The following PLPP1 variants were observed in gnomAD, a reference collection of about 807,000 sequenced individuals.
The protein encoded by PLPP1 is lipid phosphate phosphohydrolase 1a.
PLPP1 carries 24 observed loss-of-function variants against 31.2 expected under a neutral mutation model. The observed-to-expected ratio is 0.77, with a 90% CI of 0.56 to 1.08. The LOEUF is 1.08. PLPP1 is among the 50% of genes least tolerant of loss of function. The pLI, the probability that PLPP1 is intolerant of heterozygous loss-of-function variation, is 0.00. For synonymous variants in PLPP1, 146 were observed against 126.3 expected (o/e 1.16, Z -1.05); for missense variants, 319 against 342.7 (o/e 0.93, Z 0.55).
Position 55,433,324 on chromosome 5 carries a change from G to A in PLPP1, c.550-7285C>T, listed in dbSNP as rs1349724865. On this transcript the variant is annotated intron_variant, in intron 4 of 5. Transcript: ENST00000307259. ...CTGGGTGACAGGGAGACCCAGTCTC[G>A]AAAAGAAAAAAAGAAAAGAAATAAA... 4.1e-5 allele frequency among the ~76,000 whole-genome samples: 6 copies of A among 146,400 alleles called. No individual in the cohort carries two copies. The East Asian group carries it at 1.0e-3, about 25-fold the overall frequency.
intron 1 of PLPP1, among the ~76,000 whole-genome samples, chr5:55,512,722 C>CTACACACACACACA (rs1214220021): frequency 0.011 from 283 of 25,316 alleles, no homozygotes; most frequent in South Asian, 0.059. Context: ...ACATTATAAA[C>CTACACACACACACA]TACACACACA....
At chr5:55,527,076 G>A (rs1446732572) in intron 1 of PLPP1, among the ~76,000 whole-genome samples, 1 of 151,978 alleles carries the variant, frequency 6.6e-6, no homozygotes, top group Non-Finnish European at 1.5e-5. Context: ...AATGTGTACT[G>A]AATATGAGTG....
intron 1 of PLPP1, among the ~76,000 whole-genome samples, chr5:55,519,677 G>C (rs2111932258): frequency 6.6e-6 from 1 of 151,520 alleles, no homozygotes. Flanking sequence ...TTGAACCAGG[G>C]AGCTGGCGGT....
intron 1 of PLPP1, among the ~76,000 whole-genome samples, chr5:55,489,067 G>A (rs1414132389): frequency 2.6e-5 from 4 of 152,034 alleles, no homozygotes; most frequent in East Asian, 3.9e-4. Context: ...GCATGGCAGC[G>A]CACGCCTATA....
chr5:55,515,466 C>T (rs558005893), intron 1 of PLPP1, among the ~76,000 whole-genome samples: 104 of 152,300 alleles, frequency 6.8e-4, no homozygotes, highest in African/African-American at 2.3e-3. Flanking sequence ...GTGTCTTCTC[C>T]CTTAAGCTAC....
At chr5:55,462,392 T>C (rs765526255) in intron 3 of PLPP1, among the ~76,000 whole-genome samples, 6 of 152,206 alleles carry the variant, frequency 3.9e-5, no homozygotes, top group Non-Finnish European at 7.3e-5. Context: ...AATGTGAAAA[T>C]GTTTTTTTTC....
chr5:55,500,802 G>A lies in PLPP1; in HGVS notation c.59-25352C>T, dbSNP rs527294337. ...TAAGGGCCTGAAACAAAGAAATAACGGGGGGAACAGGAAAAAGAGGTAGAT... is the reference window on the plus strand; with the variant it reads ...TAAGGGCCTGAAACAAAGAAATAACAGGGGGAACAGGAAAAAGAGGTAGAT... On this transcript the variant is annotated intron_variant, in intron 1 of 5. Transcript: ENST00000307259. Among the ~76,000 whole-genome samples, 17 of 152,234 alleles carry A rather than the reference G, an allele frequency of 1.1e-4. No homozygotes were observed. The South Asian group carries it at 1.9e-3, about 17-fold the overall frequency.
At chr5:55,508,016 C>T (rs1203850860) in intron 1 of PLPP1, among the ~76,000 whole-genome samples, 1 of 152,142 alleles carries the variant, frequency 6.6e-6, no homozygotes, top group Non-Finnish European at 1.5e-5. Context: ...TGCCACCATG[C>T]CTGGCTAATT....
At chr5:55,475,621 A>G (rs1752521689) in intron 1 of PLPP1, among the ~76,000 whole-genome samples, 171 bp from the exon 2 acceptor site, 1 of 152,254 alleles carries the variant, frequency 6.6e-6, no homozygotes. Flanking sequence ...TAGAAAGATT[A>G]CAGTTTTAAG....
chr5:55,487,338 A>C (rs1019581152), intron 1 of PLPP1, among the ~76,000 whole-genome samples: 4 of 152,036 alleles, frequency 2.6e-5, no homozygotes, highest in African/African-American at 9.7e-5. Flanking sequence ...TAAATGTATA[A>C]TGAATTACCA....
At chr5:55,437,656 A>G (rs1751524458) in intron 4 of PLPP1, among the ~76,000 whole-genome samples, 1 of 152,202 alleles carries the variant, frequency 6.6e-6, no homozygotes, top group South Asian at 2.1e-4. Flanking sequence ...TGATTGCTCC[A>G]CCTACATTTG....
intron 1 of PLPP1, among the ~76,000 whole-genome samples, chr5:55,478,005 G>GA (rs1394687154): frequency 6.6e-6 from 1 of 151,190 alleles, no homozygotes; most frequent in Non-Finnish European, 1.5e-5. Flanking sequence ...AAGAAAGAAA[G>GA]AAAGAAAATT....
chr5:55,430,511 C>G (rs1295179235), intron 4 of PLPP1, among the ~76,000 whole-genome samples: 1 of 152,214 alleles, frequency 6.6e-6, no homozygotes, highest in African/African-American at 2.4e-5. Flanking sequence ...CATACTGAGA[C>G]TACACTATTG....
chr5:55,463,489 C>CT (rs1400759734), intron 3 of PLPP1, among the ~76,000 whole-genome samples: 1 of 151,976 alleles, frequency 6.6e-6, no homozygotes, highest in African/African-American at 2.4e-5. Flanking sequence ...TGGTGAAACT[C>CT]ATCTCTACTA....
chr5:55,504,351 A>C, intron 1 of PLPP1, among the ~76,000 whole-genome samples: 1 of 95,362 alleles, frequency 1.0e-5, no homozygotes, highest in Admixed American at 1.4e-4. Flanking sequence ...GGCGACAGAG[A>C]CTCTGTATCA....
At chr5:55,515,032 C>T (rs754974162) in intron 1 of PLPP1, among the ~76,000 whole-genome samples, 3 of 152,200 alleles carry the variant, frequency 2.0e-5, no homozygotes, top group Non-Finnish European at 2.9e-5. Context: ...AGACAGTATT[C>T]GCTCCATTAT....
At chr5:55,516,045 C>G (rs766548163) in intron 1 of PLPP1, among the ~76,000 whole-genome samples, 4 of 152,202 alleles carry the variant, frequency 2.6e-5, no homozygotes, top group Non-Finnish European at 5.9e-5. Flanking sequence ...CTAGCACACT[C>G]CACCTCAGTA....
At chr5:55,465,032 T>C (rs1752256057) in intron 3 of PLPP1, among the ~76,000 whole-genome samples, 2 of 127,588 alleles carry the variant, frequency 1.6e-5, no homozygotes, top group South Asian at 5.8e-4. Context: ...TGTTTTTTTA[T>C]GTGGGGCGGA....
intron 2 of PLPP1, among the ~76,000 whole-genome samples, chr5:55,472,740 GAGGAAGAA>G (rs1474044096): frequency 3.6e-5 from 4 of 112,662 alleles, no homozygotes; most frequent in Non-Finnish European, 5.8e-5. Context: ...AGAGGAGGAA[GAGGAAGAA>G]GAGGAAGAGG....
Sources: gnomAD v4.1 joint callset for allele counts (sites outside exome capture counted in the v4.1 genomes callset) on GRCh38, gnomAD v4.1.1 for gene constraint, MANE v1.5 for transcripts, NCBI Gene and HGNC (gene_info 2026-07-23, HGNC 2026-07-21) for gene names.